The following DPY19L1 variants were observed in gnomAD, a reference collection of about 807,000 sequenced individuals.
DPY19L1 encodes the protein protein C-mannosyl-transferase DPY19L1.
Under a neutral mutation model 96.9 loss-of-function variants are expected in DPY19L1, and 35 were observed. That is an observed-to-expected ratio of 0.36 (90% CI 0.28 to 0.48). The LOEUF is 0.48. Ranked by LOEUF, DPY19L1 falls within the 20% of genes least tolerant of loss-of-function variation. The probability of loss-of-function intolerance (pLI) is 0.99; values close to 1 mark genes in which losing one functional copy is unlikely to be tolerated. For missense variants in DPY19L1, 521 were observed against 777.9 expected (o/e 0.67, Z 3.93); for synonymous variants, 205 against 252.6 (o/e 0.81, Z 1.79).
intron 21 of DPY19L1, among the ~76,000 whole-genome samples, chr7:34,934,032 C>G (rs978587078): frequency 6.6e-6 from 1 of 151,356 alleles, no homozygotes; most frequent in African/African-American, 2.4e-5. Context: ...GGTGTGATCT[C>G]GGCTCACTGC....
chr7:34,956,298 G>C (rs1784377203), intron 11 of DPY19L1, among the ~76,000 whole-genome samples: 1 of 149,642 alleles, frequency 6.7e-6, no homozygotes, highest in Non-Finnish European at 1.5e-5. Context: ...ATATACAACT[G>C]AGTACTTTGT....
At chr7:34,968,640 C>A (rs930619261) in intron 9 of DPY19L1, among the ~76,000 whole-genome samples, 47 of 151,450 alleles carry the variant, frequency 3.1e-4, no homozygotes, top group African/African-American at 1.0e-3. Flanking sequence ...TGTGGTGGCA[C>A]GTGCCTGTAG....
chr7:34,955,838 A>G (rs1784367145), intron 11 of DPY19L1, among the ~76,000 whole-genome samples: 1 of 152,186 alleles, frequency 6.6e-6, no homozygotes, highest in Non-Finnish European at 1.5e-5. Context: ...GGGGAGCTAA[A>G]ACTACTTCAA....
chr7:34,979,997 G>A (rs1784906074), intron 7 of DPY19L1, among the ~76,000 whole-genome samples: 1 of 152,136 alleles, frequency 6.6e-6, no homozygotes. Flanking sequence ...TCTTCACTAT[G>A]AGATATTGAA....
chr7:35,020,901 G>T (rs1292066641), intron 1 of DPY19L1, among the ~76,000 whole-genome samples: 1 of 152,004 alleles, frequency 6.6e-6, no homozygotes, highest in Non-Finnish European at 1.5e-5. Context: ...GAGAGATAAG[G>T]TTTGGTCATG....
upstream of DPY19L1, chr7:35,037,972 C>T: frequency 2.6e-6 from 3 of 1,155,926 alleles, no homozygotes; most frequent in East Asian, 3.3e-5. Context: ...CCTGTTAAGG[C>T]TGCGCTTGGA....
In DPY19L1 at chr7:35,037,257, G is replaced by A. The variant is rs1242580821; in HGVS notation, c.138C>T (p.Ser46=). The change falls in exon 1 of 22, where the codon TCC becomes TCT. Residue 46 remains serine (S), a synonymous_variant. Transcript: ENST00000638088. The part of the protein sequence containing the change: ...GEPGPERAPL[S]PGRKGAAGRK... Reference sequence around the variant, plus strand: ...TGCCCGCGGCGCCCTTGCGCCCCGGGGACAGGGGCGCGCGCTCGGGCCCCG... The same window carrying A: ...TGCCCGCGGCGCCCTTGCGCCCCGGAGACAGGGGCGCGCGCTCGGGCCCCG... 6 of 295,770 alleles carry A rather than the reference G, an allele frequency of 2.0e-5. No individual in the cohort carries two copies. Among genetic ancestry groups the A allele is most frequent in the Non-Finnish European group, 3.1e-5 (5 of 161,004 alleles). 18.3% of individuals were successfully genotyped at this position (295,770 alleles called of 1,614,324 possible).
In DPY19L1 at chr7:34,938,178, T is replaced by G. The variant is rs1273406390; in HGVS notation, c.1965-59A>C. The G allele has an allele frequency of 4.5e-6, 7 of 1,539,930 alleles. No homozygotes were observed. In the Admixed American group the frequency reaches 1.2e-4, roughly 27 times the overall value. On this transcript the variant is annotated intron_variant, in intron 20 of 21. Transcript: ENST00000638088. ...AAGACTAAAACGATACAATAACACA[T>G]TTGGAAGAAAGCACTGAATTAGACT...
At chr7:34,974,667 G>A (rs1009125383) in intron 7 of DPY19L1, among the ~76,000 whole-genome samples, 2 of 152,096 alleles carry the variant, frequency 1.3e-5, no homozygotes, top group African/African-American at 4.8e-5. Context: ...AGATTAACTG[G>A]AGAGTTCAGT....
At chr7:35,018,779 T>C (rs1584259091) in intron 1 of DPY19L1, among the ~76,000 whole-genome samples, 183 bp from the exon 2 acceptor site, 1 of 152,172 alleles carries the variant, frequency 6.6e-6, no homozygotes, top group Non-Finnish European at 1.5e-5. Context: ...GAATTAAGCA[T>C]ACAGCCACCA....
chr7:35,020,733 G>A (rs901945925), intron 1 of DPY19L1, among the ~76,000 whole-genome samples: 3 of 151,990 alleles, frequency 2.0e-5, no homozygotes, highest in African/African-American at 7.2e-5. Context: ...TATTTTTGAG[G>A]AGTCTTGCTC....
intron 21 of DPY19L1, among the ~76,000 whole-genome samples, chr7:34,933,099 C>G (rs1348209336): frequency 6.6e-6 from 1 of 151,916 alleles, no homozygotes; most frequent in Non-Finnish European, 1.5e-5. Context: ...TCAGAGGTGA[C>G]TTCTATAAAC....
intron 16 of DPY19L1, among the ~76,000 whole-genome samples, chr7:34,943,206 G>A (rs1279212857): frequency 1.3e-5 from 2 of 152,126 alleles, no homozygotes; most frequent in Non-Finnish European, 2.9e-5. Context: ...TCTAATTTGA[G>A]AATCTAGCCT....
intron 6 of DPY19L1, among the ~76,000 whole-genome samples, chr7:35,007,969 T>C (rs1310559196): frequency 1.3e-5 from 2 of 152,130 alleles, no homozygotes; most frequent in Non-Finnish European, 2.9e-5. Context: ...GCACAACCTC[T>C]GTTCCAATCT....
intron 1 of DPY19L1, among the ~76,000 whole-genome samples, chr7:35,027,523 A>G (rs1786152749): frequency 6.6e-6 from 1 of 151,946 alleles, no homozygotes; most frequent in Non-Finnish European, 1.5e-5. Context: ...GAGAAGCAAG[A>G]TTGCTTTTAA....
chr7:34,985,436 G>A (rs1220222077), intron 7 of DPY19L1, among the ~76,000 whole-genome samples: 1 of 151,930 alleles, frequency 6.6e-6, no homozygotes, highest in Admixed American at 6.6e-5. Flanking sequence ...CTCTGATAAG[G>A]GGCCAATATT....
intron 1 of DPY19L1, among the ~76,000 whole-genome samples, chr7:35,027,007 C>T (rs1786136135): frequency 6.6e-6 from 1 of 151,822 alleles, no homozygotes; most frequent in South Asian, 2.1e-4. Context: ...ACAGCCTGGC[C>T]AACATGATGA....
At chr7:34,998,162 T>G (rs1785335635) in intron 6 of DPY19L1, among the ~76,000 whole-genome samples, 1 of 152,202 alleles carries the variant, frequency 6.6e-6, no homozygotes, top group Non-Finnish European at 1.5e-5. Context: ...ATGAAGGTAT[T>G]GTCCTCTGAC....
intron 6 of DPY19L1, among the ~76,000 whole-genome samples, chr7:35,005,154 G>A (rs927671152): frequency 6.6e-6 from 1 of 151,982 alleles, no homozygotes; most frequent in Admixed American, 6.6e-5. Context: ...AGGAATTTTT[G>A]TCTATTCTTC....
Sources: gnomAD v4.1 joint callset for allele counts (sites outside exome capture counted in the v4.1 genomes callset) on GRCh38, gnomAD v4.1.1 for gene constraint, MANE v1.5 for transcripts, NCBI Gene and HGNC (gene_info 2026-07-23, HGNC 2026-07-21) for gene names.